Variants in C1orf105 observed in about 807,000 individuals in gnomAD.
C1orf105 encodes chromosome 1 open reading frame 105, also known as uncharacterized protein C1orf105.
In C1orf105, 17 loss-of-function variants were observed where a neutral mutation model predicts 20.8. That is an observed-to-expected ratio of 0.82 (90% confidence interval 0.56 to 1.23). The LOEUF (loss-of-function observed/expected upper bound fraction) is 1.23. Ranked by LOEUF, C1orf105 falls within the 50% of genes most tolerant of loss-of-function variation. The pLI, the probability that C1orf105 is intolerant of heterozygous loss-of-function variation, is 0.00. For missense variants in C1orf105, 219 were observed against 213.5 expected (o/e 1.03, Z -0.16); for synonymous variants, 72 against 72.1 (o/e 1.00, Z 0.01).
At chr1:172,445,269 A>G (rs757629800) in intron 2 of C1orf105, 111 bp downstream of exon 2, 2 of 851,110 alleles carry the variant, frequency 2.3e-6, no homozygotes, top group South Asian at 1.7e-5. Context: ...CCATTGAGAA[A>G]CTCAAGTCAA....
chr1:172,422,084 C>T (rs2071605517), intron 1 of C1orf105, among the ~76,000 whole-genome samples: 2 of 152,110 alleles, frequency 1.3e-5, no homozygotes, highest in Admixed American at 1.3e-4. Flanking sequence ...CCAGGCAAGT[C>T]CTAGTGCTGT....
chr1:172,443,024 C>A (rs190950807), intron 1 of C1orf105: 7 of 183,380 alleles, frequency 3.8e-5, no homozygotes, highest in Non-Finnish European at 9.0e-5. Flanking sequence ...TGTTAGCTAT[C>A]GCTTATTGAG....
At chr1:172,446,442 G>A (rs1648011865) in intron 2 of C1orf105, among the ~76,000 whole-genome samples, 1 of 152,152 alleles carries the variant, frequency 6.6e-6, no homozygotes, top group African/African-American at 2.4e-5. Context: ...TCACCTCCCC[G>A]CTTCAGCCCA....
chr1:172,443,099 A>G (rs1025808556), intron 1 of C1orf105: 5 of 169,556 alleles, frequency 2.9e-5, no homozygotes, highest in African/African-American at 1.2e-4. Flanking sequence ...CTTGTAAGTT[A>G]GTATTAGTCC....
intron 1 of C1orf105, among the ~76,000 whole-genome samples, chr1:172,434,683 A>T (rs1421156927): frequency 2.0e-5 from 3 of 152,238 alleles, no homozygotes; most frequent in Non-Finnish European, 4.4e-5. Context: ...TAACATCACA[A>T]TTAAAAGAAC....
intron 1 of C1orf105, among the ~76,000 whole-genome samples, chr1:172,434,087 C>A (rs1041068056): frequency 3.3e-5 from 5 of 152,142 alleles, no homozygotes; most frequent in African/African-American, 1.2e-4. Flanking sequence ...AATAAAGGAG[C>A]ACCCAGATTC....
At chr1:172,461,678 T>A (rs1361577653) in intron 4 of C1orf105, among the ~76,000 whole-genome samples, 2 of 152,196 alleles carry the variant, frequency 1.3e-5, no homozygotes, top group African/African-American at 4.8e-5. Context: ...AAAATATTTC[T>A]TAAACAGACA....
intron 1 of C1orf105, among the ~76,000 whole-genome samples, chr1:172,432,161 G>T (rs992413455): frequency 3.3e-5 from 5 of 152,226 alleles, no homozygotes; most frequent in Non-Finnish European, 7.3e-5. Flanking sequence ...CTGTAGGCAG[G>T]ACATAGCTGA....
chr1:172,440,766 G>A (rs1216766686), intron 1 of C1orf105, among the ~76,000 whole-genome samples: 10 of 152,068 alleles, frequency 6.6e-5, no homozygotes, highest in Admixed American at 2.6e-4. Context: ...GTTTTTAGAC[G>A]GATTAATTTA....
intron 1 of C1orf105, among the ~76,000 whole-genome samples, chr1:172,428,445 G>GACT (rs1300378277): frequency 1.3e-5 from 2 of 152,058 alleles, no homozygotes; most frequent in Non-Finnish European, 2.9e-5. Context: ...TTACCTCTAC[G>GACT]ACTTCGTCTT....
chr1:172,443,288 G>C (rs1428699604), intron 1 of C1orf105: 2 of 167,032 alleles, frequency 1.2e-5, no homozygotes, highest in African/African-American at 4.8e-5. Flanking sequence ...CACATTGCAT[G>C]CTTATATCTG....
At chr1:172,427,705 G>C (rs550214397) in intron 1 of C1orf105, among the ~76,000 whole-genome samples, 36 of 152,244 alleles carry the variant, frequency 2.4e-4, no homozygotes, top group African/African-American at 7.0e-4. Context: ...CACTTGGTTT[G>C]CAGGACACAG....
At chr1:172,429,273 C>A (rs994442539) in intron 1 of C1orf105, among the ~76,000 whole-genome samples, 1 of 152,016 alleles carries the variant, frequency 6.6e-6, no homozygotes, top group Admixed American at 6.6e-5. Flanking sequence ...CACACACATA[C>A]ACACACAACG....
intron 3 of C1orf105, among the ~76,000 whole-genome samples, chr1:172,451,867 CTTTTTT>C (rs11462736): frequency 1.2e-5 from 1 of 85,196 alleles, no homozygotes; most frequent in East Asian, 3.8e-4. Flanking sequence ...TATATGGATT[CTTTTTT>C]TTTTTTTTTT....
At chr1:172,457,010 G>T (rs891124170) in intron 4 of C1orf105, among the ~76,000 whole-genome samples, 1 of 152,180 alleles carries the variant, frequency 6.6e-6, no homozygotes, top group African/African-American at 2.4e-5. Context: ...AGTGGAGAAT[G>T]GTGGTAGGGG....
At chr1:172,466,050 C>T (rs1239709914) in intron 6 of C1orf105, among the ~76,000 whole-genome samples, 1 of 152,210 alleles carries the variant, frequency 6.6e-6, no homozygotes, top group African/African-American at 2.4e-5. Context: ...GAATTTTTCT[C>T]TCATTTGATA....
intron 3 of C1orf105, chr1:172,452,809 C>T: frequency 1.4e-6 from 2 of 1,387,992 alleles, no homozygotes; most frequent in Non-Finnish European, 1.9e-6. Context: ...CAGAGGACAG[C>T]TGCTTGGGAA....
chr1:172,441,504 A>G, intron 1 of C1orf105: 1 of 408,950 alleles, frequency 2.4e-6, no homozygotes, highest in Non-Finnish European at 4.3e-6. Flanking sequence ...CATATGTTAC[A>G]GCATGTAATT....
intron 3 of C1orf105, among the ~76,000 whole-genome samples, chr1:172,456,179 A>G (rs1157190599): frequency 2.0e-5 from 3 of 152,030 alleles, no homozygotes. Context: ...AGCAGCCTCA[A>G]GACCACCACC....
Sources: gnomAD v4.1 joint callset for allele counts (sites outside exome capture counted in the v4.1 genomes callset) on GRCh38, gnomAD v4.1.1 for gene constraint, MANE v1.5 for transcripts, NCBI Gene and HGNC (gene_info 2026-07-23, HGNC 2026-07-21) for gene names.